ZFAND3: variants seen among roughly 807,000 people sequenced by gnomAD.
The protein encoded by ZFAND3 is zinc finger AN1-type containing 3, also known as AN1-type zinc finger protein 3.
A neutral mutation model predicts 29.6 loss-of-function variants in ZFAND3; 10 were observed. That is an observed-to-expected ratio of 0.34 (90% CI 0.21 to 0.57). ZFAND3 has a LOEUF of 0.57. Ranked by LOEUF, ZFAND3 falls within the 20% of genes least tolerant of loss-of-function variation. The pLI, the probability that ZFAND3 is intolerant of heterozygous loss-of-function variation, is 0.86. For missense variants in ZFAND3, 230 were observed against 304.5 expected, an observed-to-expected ratio of 0.76 and a Z score of 1.82; for synonymous variants, 128 against 112.6, an observed-to-expected ratio of 1.14 and a Z score of -0.87.
chr6:38,001,087 C>T (rs1762940049), intron 2 of ZFAND3, among the ~76,000 whole-genome samples: 1 of 152,162 alleles, frequency 6.6e-6, no homozygotes, highest in South Asian at 2.1e-4. Context: ...TTTAGAAATG[C>T]AAGAATGCTT....
intron 2 of ZFAND3, among the ~76,000 whole-genome samples, chr6:37,949,043 C>G (rs1761950401): frequency 6.6e-6 from 1 of 152,092 alleles, no homozygotes. Flanking sequence ...CTCCAAACTG[C>G]TTTCTTCAGT....
intron 2 of ZFAND3, among the ~76,000 whole-genome samples, chr6:38,054,535 T>C (rs1014643924): frequency 3.3e-5 from 5 of 151,706 alleles, no homozygotes; most frequent in Non-Finnish European, 1.5e-5. Context: ...ATAATAAAAA[T>C]AATTTTTTTT....
At chr6:37,914,619 A>T (rs1761198938) in intron 1 of ZFAND3, among the ~76,000 whole-genome samples, 1 of 148,174 alleles carries the variant, frequency 6.7e-6, no homozygotes, top group African/African-American at 2.5e-5. Context: ...GATCACTGGG[A>T]TCACAGGTGT....
At chr6:37,829,550 A>C (rs950228350) in intron 1 of ZFAND3, among the ~76,000 whole-genome samples, 2 of 152,260 alleles carry the variant, frequency 1.3e-5, no homozygotes, top group African/African-American at 4.8e-5. Context: ...ATGAAATGAA[A>C]TAAAATAAAA....
chr6:37,899,040 C>T (rs966664709), intron 1 of ZFAND3, among the ~76,000 whole-genome samples: 4 of 152,114 alleles, frequency 2.6e-5, no homozygotes, highest in Non-Finnish European at 5.9e-5. Context: ...GTACTACAGG[C>T]GCCCGCCACC....
At chr6:37,850,690 A>G (rs1319500464) in intron 1 of ZFAND3, among the ~76,000 whole-genome samples, 1 of 152,164 alleles carries the variant, frequency 6.6e-6, no homozygotes, top group Non-Finnish European at 1.5e-5. Context: ...AGTACACTGT[A>G]TGGTGTTTGC....
intron 1 of ZFAND3, among the ~76,000 whole-genome samples, chr6:37,881,606 G>A (rs569335440): frequency 1.3e-5 from 2 of 152,286 alleles, no homozygotes; most frequent in South Asian, 4.1e-4. Flanking sequence ...AAACAGCTGG[G>A]CTGCAGGAGC....
intron 2 of ZFAND3, among the ~76,000 whole-genome samples, chr6:38,048,305 A>G (rs1763948502): frequency 6.6e-6 from 1 of 151,878 alleles, no homozygotes. Flanking sequence ...GCCCGGCCCC[A>G]ACATTTTTTT....
At chr6:38,131,528 G>A (rs1765741308) in intron 5 of ZFAND3, among the ~76,000 whole-genome samples, 1 of 152,308 alleles carries the variant, frequency 6.6e-6, no homozygotes, top group Non-Finnish European at 1.5e-5. Context: ...GAAACAAAGA[G>A]AATTACTGGA....
At chr6:38,023,998 C>A (rs1359332494) in intron 2 of ZFAND3, among the ~76,000 whole-genome samples, 2 of 151,930 alleles carry the variant, frequency 1.3e-5, no homozygotes, top group Non-Finnish European at 2.9e-5. Flanking sequence ...CCACTGCACA[C>A]CAACCTGAAC....
chr6:38,009,325 C>G (rs1763106079), intron 2 of ZFAND3, among the ~76,000 whole-genome samples: 1 of 152,086 alleles, frequency 6.6e-6, no homozygotes, highest in Non-Finnish European at 1.5e-5. Context: ...ATGCTTTTGG[C>G]TTTATTTCTC....
chr6:38,151,408 C>T (rs950402287), intron 5 of ZFAND3, among the ~76,000 whole-genome samples: 6 of 152,130 alleles, frequency 3.9e-5, no homozygotes, highest in Non-Finnish European at 8.8e-5. Flanking sequence ...GCATCTCAAC[C>T]TCTCTCACCT....
At chr6:38,022,233 T>A (rs1763366906) in intron 2 of ZFAND3, among the ~76,000 whole-genome samples, 1 of 152,228 alleles carries the variant, frequency 6.6e-6, no homozygotes, top group African/African-American at 2.4e-5. Context: ...AGCTCCGATA[T>A]AAACCATGGC....
At chr6:37,846,296 T>G (rs1764176069) in intron 1 of ZFAND3, among the ~76,000 whole-genome samples, 1 of 152,212 alleles carries the variant, frequency 6.6e-6, no homozygotes, top group African/African-American at 2.4e-5. Context: ...TAGCAGAAAC[T>G]AGCAAGTGCT....
At chr6:37,883,823 A>T (rs761883618) in intron 1 of ZFAND3, among the ~76,000 whole-genome samples, 1 of 145,610 alleles carries the variant, frequency 6.9e-6, no homozygotes, top group Non-Finnish European at 1.5e-5. Context: ...TACAGGCGTG[A>T]GCCGCCGTGC....
At chr6:38,137,456 A>G (rs570685096) in intron 5 of ZFAND3, among the ~76,000 whole-genome samples, 2 of 152,328 alleles carry the variant, frequency 1.3e-5, no homozygotes, top group East Asian at 3.9e-4. Context: ...ATATGTTTCT[A>G]TTTTTAATGA....
chr6:37,820,033 GTGGGGGC>G lies in ZFAND3; in HGVS notation c.71+18_71+24del, dbSNP rs1182666115. The stretch of plus-strand genomic sequence containing the variant: ...CTTCTGGGGGTAAGTGCCCGGCCGG[GTGGGGGC>G]GGGGGGCGGGGGCCGGGGGCGCAGA... On this transcript the variant is annotated intron_variant, in intron 1 of 5. Coordinates refer to ENST00000287218, the MANE Select transcript of ZFAND3 (RefSeq NM_021943.3). 8.3e-7 allele frequency: 1 copy of G among 1,206,972 alleles called. No homozygotes were observed. 74.8% of individuals were successfully genotyped at this position (1,206,972 alleles called of 1,614,324 possible).
At chr6:38,108,117 G>A (rs977794791) in intron 4 of ZFAND3, among the ~76,000 whole-genome samples, 8 of 152,036 alleles carry the variant, frequency 5.3e-5, no homozygotes, top group African/African-American at 1.9e-4. Flanking sequence ...TGACATTGGG[G>A]CATTCTTAAT....
intron 2 of ZFAND3, among the ~76,000 whole-genome samples, chr6:37,986,552 T>A (rs955563562): frequency 3.9e-5 from 6 of 152,140 alleles, no homozygotes; most frequent in African/African-American, 1.4e-4. Flanking sequence ...TATCCTTAGT[T>A]TAGTGGATAA....
Sources: gnomAD v4.1 joint callset for allele counts (sites outside exome capture counted in the v4.1 genomes callset) on GRCh38, gnomAD v4.1.1 for gene constraint, MANE v1.5 for transcripts, NCBI Gene and HGNC (gene_info 2026-07-23, HGNC 2026-07-21) for gene names.